Variants in RAD51B observed in about 807,000 individuals in gnomAD.
The protein encoded by RAD51B is DNA repair protein RAD51 homolog 2.
A neutral mutation model predicts 42.2 loss-of-function variants in RAD51B; 38 were observed. The observed-to-expected ratio is 0.90, with a 90% CI of 0.70 to 1.18. The LOEUF (loss-of-function observed/expected upper bound fraction) is 1.18. Ranked by LOEUF, RAD51B falls within the 50% of genes most tolerant of loss-of-function variation. RAD51B has a pLI of 0.00. For synonymous variants in RAD51B, 154 were observed against 145.2 expected (o/e 1.06, Z -0.43); for missense variants, 373 against 400.7 (o/e 0.93, Z 0.59).
At chr14:68,292,499 G>T (rs755857457) in intron 8 of RAD51B, among the ~76,000 whole-genome samples, 1 of 152,184 alleles carries the variant, frequency 6.6e-6, no homozygotes, top group African/African-American at 2.4e-5. Flanking sequence ...CTATGGTTTC[G>T]ATGGCAATAA....
intron 7 of RAD51B, among the ~76,000 whole-genome samples, chr14:68,151,551 T>C (rs748421407): frequency 5.9e-5 from 9 of 152,114 alleles, no homozygotes; most frequent in Admixed American, 3.9e-4. Context: ...TATATAAAGC[T>C]AACTGAAATT....
At chr14:68,392,319 A>G (rs1003831453) in intron 8 of RAD51B, among the ~76,000 whole-genome samples, 1 of 152,208 alleles carries the variant, frequency 6.6e-6, no homozygotes, top group African/African-American at 2.4e-5. Context: ...ATGCTTCGGA[A>G]GGCTTGTCAT....
chr14:68,488,284 G>A (rs2140276443), intron 10 of RAD51B, among the ~76,000 whole-genome samples: 1 of 139,684 alleles, frequency 7.2e-6, no homozygotes, highest in South Asian at 2.4e-4. Flanking sequence ...GTTGCAAAAA[G>A]AGGCCAGGTG....
At chr14:68,664,921 T>C (rs1483838323) in intron 11 of RAD51B, among the ~76,000 whole-genome samples, 1 of 152,216 alleles carries the variant, frequency 6.6e-6, no homozygotes, top group Non-Finnish European at 1.5e-5. Flanking sequence ...TCTCAGCCTC[T>C]TCTGCCAATG....
chr14:68,320,601 T>C (rs565843105), intron 8 of RAD51B, among the ~76,000 whole-genome samples: 23 of 152,364 alleles, frequency 1.5e-4, no homozygotes, highest in South Asian at 4.1e-4. Flanking sequence ...GCTTTCCTCT[T>C]TGTTAAGAAG....
chr14:68,101,026 A>C (rs927397887), intron 7 of RAD51B, among the ~76,000 whole-genome samples: 4 of 152,230 alleles, frequency 2.6e-5, no homozygotes, highest in East Asian at 3.8e-4. Flanking sequence ...GTCCTTCTTC[A>C]CATGGTGGCA....
intron 10 of RAD51B, among the ~76,000 whole-genome samples, chr14:68,471,177 G>A (rs1423832916): frequency 1.3e-5 from 2 of 152,166 alleles, no homozygotes; most frequent in African/African-American, 4.8e-5. Context: ...CTTAGAGACA[G>A]ACAGGGCAGC....
rs556581811 is a variant in RAD51B at position 68,002,089 on chromosome 14, A to G, written c.756+114885A>G. Among the ~76,000 whole-genome samples the G allele has an allele frequency of 2.0e-5, 3 of 152,256 alleles. No individual in the cohort carries two copies. The East Asian group carries it at 5.8e-4, about 29-fold the overall frequency. On this transcript the variant is annotated intron_variant, in intron 7 of 10. Transcript: ENST00000471583. ...TAATGGGATTGCTGGGTCAAATGGT[A>G]TTTCTGCCTCTAGGTCTTTGAGGAA...
intron 4 of RAD51B, among the ~76,000 whole-genome samples, chr14:67,849,549 C>T (rs891888196): frequency 6.6e-6 from 1 of 152,214 alleles, no homozygotes; most frequent in African/African-American, 2.4e-5. Context: ...TCCCAAAGCA[C>T]TGGGATTACA....
At chr14:68,230,244 G>GA (rs2080119746) in intron 7 of RAD51B, among the ~76,000 whole-genome samples, 1 of 152,040 alleles carries the variant, frequency 6.6e-6, no homozygotes, top group Non-Finnish European at 1.5e-5. Context: ...TAACTGAAAG[G>GA]AAAAAAGAGT....
intron 3 of RAD51B, among the ~76,000 whole-genome samples, chr14:67,826,816 G>T (rs1413263926): frequency 6.6e-6 from 1 of 151,966 alleles, no homozygotes; most frequent in African/African-American, 2.4e-5. Flanking sequence ...CCGAGTGGCT[G>T]GGACTACAGG....
chr14:68,575,668 C>T (rs892397609), intron 10 of RAD51B, among the ~76,000 whole-genome samples: 1 of 152,220 alleles, frequency 6.6e-6, no homozygotes, highest in South Asian at 2.1e-4. Context: ...GGGCCCCTGA[C>T]CTGTTCATTC....
intron 7 of RAD51B, among the ~76,000 whole-genome samples, chr14:68,126,409 A>G (rs1347636859): frequency 6.6e-6 from 1 of 152,200 alleles, no homozygotes; most frequent in Non-Finnish European, 1.5e-5. Flanking sequence ...ATTACTTTAT[A>G]TTCAAGTCCT....
At chr14:68,422,057 C>T in intron 9 of RAD51B, 1 of 1,533,940 alleles carries the variant, frequency 6.5e-7, no homozygotes, top group Non-Finnish European at 9.0e-7. Flanking sequence ...AACCTTATAA[C>T]CAAATCCTTT....
chr14:68,568,488 T>C lies in RAD51B; in HGVS notation c.1037-25997T>C, dbSNP rs1023084157. 5.8e-4 allele frequency among the ~76,000 whole-genome samples: 88 copies of C among 152,208 alleles called. 6 individuals are homozygous for C. Among genetic ancestry groups the C allele is most frequent in the Admixed American group, 2.0e-4 (3 of 15,284 alleles). On this transcript the variant is annotated intron_variant, in intron 10 of 10. Coordinates refer to the RAD51B transcript ENST00000487270. ...CATTGGCATGATAGGATTGTGTGTA[T>C]CACCTGCACTTACTGCTTCTGGAAT...
At chr14:67,980,230 A>C (rs760345626) in intron 7 of RAD51B, among the ~76,000 whole-genome samples, 1 of 152,150 alleles carries the variant, frequency 6.6e-6, no homozygotes, top group Non-Finnish European at 1.5e-5. Flanking sequence ...GGATCACCTG[A>C]GATCAGAAGT....
intron 10 of RAD51B, among the ~76,000 whole-genome samples, chr14:68,571,220 T>C (rs6573842): frequency 0.64 from 97,598 of 152,106 alleles, 32,112 homozygotes; most frequent in Non-Finnish European, 0.72. Context: ...TACAACCATG[T>C]CAGTTCAAAC....
chr14:68,221,005 C>T (rs922067171), intron 7 of RAD51B, among the ~76,000 whole-genome samples: 9 of 152,120 alleles, frequency 5.9e-5, no homozygotes, highest in Admixed American at 5.2e-4. Context: ...GTGGCGCACA[C>T]CTGTAGTCCC....
chr14:68,136,111 C>G (rs1222048603), intron 7 of RAD51B, among the ~76,000 whole-genome samples: 1 of 152,100 alleles, frequency 6.6e-6, no homozygotes, highest in Non-Finnish European at 1.5e-5. Flanking sequence ...ATGTGACTTG[C>G]CCAAACATAG....
Sources: gnomAD v4.1 joint callset for allele counts (sites outside exome capture counted in the v4.1 genomes callset) on GRCh38, gnomAD v4.1.1 for gene constraint, MANE v1.5 for transcripts, NCBI Gene and HGNC (gene_info 2026-07-23, HGNC 2026-07-21) for gene names.